The following PDS5B variants were observed in gnomAD, a reference collection of about 807,000 sequenced individuals.
PDS5B encodes sister chromatid cohesion protein PDS5 homolog B.
In PDS5B, 51 loss-of-function variants were observed where a neutral mutation model predicts 184.1. That is an observed-to-expected ratio of 0.28 (90% CI 0.22 to 0.35). PDS5B has a LOEUF of 0.35. Among genes scored for constraint, PDS5B ranks in the 10% least tolerant of loss-of-function variants. PDS5B has a pLI of 1.00. For synonymous variants in PDS5B, 566 were observed against 569.2 expected (o/e 0.99, Z 0.08); for missense variants, 1,180 against 1,723.3 (o/e 0.68, Z 5.58).
chr13:32,621,149 AACTTAT>A (rs2058295771), intron 1 of PDS5B, among the ~76,000 whole-genome samples: 1 of 152,146 alleles, frequency 6.6e-6, no homozygotes, highest in Non-Finnish European at 1.5e-5. Context: ...TTTCATGTCA[AACTTAT>A]ACTTGTTTCA....
intron 17 of PDS5B, among the ~76,000 whole-genome samples, chr13:32,703,453 A>G (rs939676805): frequency 5.3e-5 from 8 of 152,204 alleles, no homozygotes; most frequent in Admixed American, 1.3e-4. Flanking sequence ...AATAAGAACA[A>G]GTAGCAGTTA....
chr13:32,718,980 G>A (rs527459147), intron 19 of PDS5B, among the ~76,000 whole-genome samples: 1 of 152,240 alleles, frequency 6.6e-6, no homozygotes, highest in African/African-American at 2.4e-5. Flanking sequence ...AAAATAGACT[G>A]CTTACTTTGA....
At chr13:32,721,962 G>A (rs1952728619) in intron 19 of PDS5B, among the ~76,000 whole-genome samples, 2 of 152,208 alleles carry the variant, frequency 1.3e-5, no homozygotes, top group Non-Finnish European at 2.9e-5. Flanking sequence ...GGTGGCGGCC[G>A]GGCAGAGGCT....
At chr13:32,731,786 G>C (rs951124827) in intron 19 of PDS5B, among the ~76,000 whole-genome samples, 3 of 152,132 alleles carry the variant, frequency 2.0e-5, no homozygotes, top group African/African-American at 7.2e-5. Flanking sequence ...AGTTTAGCTG[G>C]AATGATAGCA....
At chr13:32,678,976 G>GA (rs757782097) in intron 10 of PDS5B, 47 bp downstream of exon 10, 6 of 1,049,386 alleles carry the variant, frequency 5.7e-6, no homozygotes, top group African/African-American at 3.2e-5. Flanking sequence ...CTCTTCAGTG[G>GA]AAAAAAATAA....
chr13:32,643,928 C>G (rs1425973032), intron 1 of PDS5B, among the ~76,000 whole-genome samples: 1 of 152,094 alleles, frequency 6.6e-6, no homozygotes, highest in Non-Finnish European at 1.5e-5. Context: ...CGTCGATGAA[C>G]TAGTAGTTTA....
At chr13:32,658,996 T>A (rs1208181295) in intron 5 of PDS5B, among the ~76,000 whole-genome samples, 158 bp from the exon 6 acceptor site, 1 of 152,174 alleles carries the variant, frequency 6.6e-6, no homozygotes, top group African/African-American at 2.4e-5. Context: ...TACTTTTGTA[T>A]GATGTGGGAG....
intron 1 of PDS5B, among the ~76,000 whole-genome samples, chr13:32,644,615 G>A (rs1018065095): frequency 1.3e-5 from 2 of 152,032 alleles, no homozygotes; most frequent in African/African-American, 4.8e-5. Context: ...GTATGTTCCT[G>A]TAGTTCCTGA....
At chr13:32,771,819 TAACA>T (rs1244445023) in intron 33 of PDS5B, among the ~76,000 whole-genome samples, 1 of 152,022 alleles carries the variant, frequency 6.6e-6, no homozygotes, top group Non-Finnish European at 1.5e-5. Flanking sequence ...AACAAGGAAA[TAACA>T]AACCTCATAA....
chr13:32,674,971 A>G (rs997694881), intron 8 of PDS5B, among the ~76,000 whole-genome samples: 2 of 143,946 alleles, frequency 1.4e-5, no homozygotes, highest in African/African-American at 2.6e-5. Flanking sequence ...TTAAGTTTTG[A>G]GATGATTCTA....
intron 16 of PDS5B, 135 bp downstream of exon 16, chr13:32,700,004 TTCTC>T (rs1202402616): frequency 1.3e-6 from 1 of 762,062 alleles, no homozygotes; most frequent in African/African-American, 1.9e-5. Flanking sequence ...AAACTATAAT[TTCTC>T]TATAGAGACA....
intron 22 of PDS5B, 31 bp downstream of exon 22, chr13:32,741,179 A>T: frequency 1.8e-6 from 2 of 1,105,796 alleles, no homozygotes; most frequent in Admixed American, 2.2e-5. Context: ...TATTGATTTT[A>T]ATATAATCAC....
intron 31 of PDS5B, among the ~76,000 whole-genome samples, chr13:32,767,767 A>C (rs2141030481): frequency 6.6e-6 from 1 of 152,318 alleles, no homozygotes; most frequent in Admixed American, 6.5e-5. Context: ...GAAAGGAATA[A>C]AAAAGGATGA....
At chr13:32,715,224 CAGTA>C (rs1197441644) in intron 19 of PDS5B, among the ~76,000 whole-genome samples, 12 of 152,150 alleles carry the variant, frequency 7.9e-5, no homozygotes, top group Admixed American at 6.5e-4. Flanking sequence ...ATGGAAAAAA[CAGTA>C]TAACTAAAGA....
intron 1 of PDS5B, among the ~76,000 whole-genome samples, chr13:32,632,737 A>AC (rs2058477507): frequency 6.6e-6 from 1 of 152,256 alleles, no homozygotes; most frequent in African/African-American, 2.4e-5. Context: ...AAGAATGGAA[A>AC]CCAAGTGTCC....
intron 19 of PDS5B, among the ~76,000 whole-genome samples, chr13:32,726,697 G>A (rs894433240): frequency 1.3e-4 from 20 of 152,228 alleles, no homozygotes; most frequent in African/African-American, 4.6e-4. Flanking sequence ...TGGTCCTAGT[G>A]TTTGTAAGGC....
intron 19 of PDS5B, among the ~76,000 whole-genome samples, chr13:32,731,305 G>A (rs1411298983): frequency 6.6e-6 from 1 of 152,126 alleles, no homozygotes. Context: ...AATAGTTTAA[G>A]AGCTCCTTTA....
chr13:32,638,274 C>T (rs1289017442), intron 1 of PDS5B, among the ~76,000 whole-genome samples: 1 of 152,128 alleles, frequency 6.6e-6, no homozygotes, highest in Non-Finnish European at 1.5e-5. Context: ...GATTCTAGGT[C>T]TGAAAAAACA....
At chr13:32,624,664 T>C (rs1428924046) in intron 1 of PDS5B, among the ~76,000 whole-genome samples, 4 of 152,208 alleles carry the variant, frequency 2.6e-5, no homozygotes, top group African/African-American at 9.7e-5. Context: ...TCATGTTTTG[T>C]TGAGCTTGGT....
Sources: allele counts gnomAD v4.1 joint callset (sites outside exome capture counted in the v4.1 genomes callset), GRCh38; gene constraint gnomAD v4.1.1; transcripts MANE v1.5; gene names NCBI Gene and HGNC (gene_info 2026-07-23, HGNC 2026-07-21).